The following GPC5 variants were observed in gnomAD, a reference collection of about 807,000 sequenced individuals.
GPC5 encodes the protein glypican 5.
Under a neutral mutation model 53.9 loss-of-function variants are expected in GPC5, and 47 were observed. That is an observed-to-expected ratio of 0.87 (90% CI 0.69 to 1.11). The LOEUF is 1.11. GPC5 is among the 50% of genes most tolerant of loss of function. The pLI is 0.00. For missense variants in GPC5, 748 were observed against 713.1 expected, an observed-to-expected ratio of 1.05 and a Z score of -0.56; for synonymous variants, 286 against 263.3, an observed-to-expected ratio of 1.09 and a Z score of -0.84.
intron 6 of GPC5, among the ~76,000 whole-genome samples, chr13:92,119,614 G>A (rs1326838144): frequency 8.0e-6 from 1 of 124,670 alleles, no homozygotes; most frequent in African/African-American, 3.2e-5. Flanking sequence ...TAGAGACGGG[G>A]TTTCACCATG....
chr13:92,512,696 C>G (rs1880618730), intron 7 of GPC5, among the ~76,000 whole-genome samples: 1 of 152,154 alleles, frequency 6.6e-6, no homozygotes, highest in Admixed American at 6.5e-5. Flanking sequence ...TCACATTATT[C>G]ATGCTTTGGA....
At chr13:91,569,349 T>C (rs2031679272) in intron 2 of GPC5, among the ~76,000 whole-genome samples, 1 of 152,170 alleles carries the variant, frequency 6.6e-6, no homozygotes, top group Non-Finnish European at 1.5e-5. Context: ...AATATTGTTT[T>C]TGTCATTGGC....
chr13:92,438,159 G>A (rs1877391185), intron 7 of GPC5, among the ~76,000 whole-genome samples: 1 of 151,734 alleles, frequency 6.6e-6, no homozygotes, highest in South Asian at 2.1e-4. Context: ...AAAATTATGA[G>A]CAAAGTAGAC....
chr13:91,468,080 A>G (rs1041134336), intron 2 of GPC5, among the ~76,000 whole-genome samples: 14 of 152,150 alleles, frequency 9.2e-5, no homozygotes, highest in African/African-American at 3.4e-4. Context: ...TTAGTGAAAG[A>G]GAGAAAGTCA....
intron 7 of GPC5, among the ~76,000 whole-genome samples, chr13:92,397,519 G>A (rs1191584144): frequency 1.3e-5 from 2 of 152,174 alleles, no homozygotes; most frequent in Non-Finnish European, 2.9e-5. Flanking sequence ...CGTGAAAACG[G>A]ACTAATACAG....
At chr13:92,749,365 A>C (rs766901457) in intron 7 of GPC5, among the ~76,000 whole-genome samples, 3 of 152,152 alleles carry the variant, frequency 2.0e-5, no homozygotes, top group Non-Finnish European at 4.4e-5. Flanking sequence ...ATGTTGTATT[A>C]ATGACTACAT....
intron 7 of GPC5, among the ~76,000 whole-genome samples, chr13:92,620,074 A>G (rs1884821956): frequency 6.6e-6 from 1 of 152,090 alleles, no homozygotes; most frequent in South Asian, 2.1e-4. Context: ...ATAATGGTTT[A>G]GAGGATGAAC....
chr13:91,822,447 T>C (rs2038511263), intron 5 of GPC5, among the ~76,000 whole-genome samples: 1 of 152,242 alleles, frequency 6.6e-6, no homozygotes, highest in Non-Finnish European at 1.5e-5. Context: ...CACTTGAACA[T>C]ACTTTGTGAA....
At chr13:92,171,814 A>G (rs533556629) in intron 7 of GPC5, among the ~76,000 whole-genome samples, 1 of 152,242 alleles carries the variant, frequency 6.6e-6, no homozygotes, top group African/African-American at 2.4e-5. Context: ...ACACACATAT[A>G]TTCATTTGCC....
At chr13:92,238,292 T>C (rs1285306001) in intron 7 of GPC5, among the ~76,000 whole-genome samples, 1 of 152,012 alleles carries the variant, frequency 6.6e-6, no homozygotes, top group East Asian at 1.9e-4. Context: ...AGTAGCTTCA[T>C]CACTTTATAT....
chr13:91,503,825 TG>T (rs1197867883), intron 2 of GPC5, among the ~76,000 whole-genome samples: 1 of 147,788 alleles, frequency 6.8e-6, no homozygotes, highest in Non-Finnish European at 1.5e-5. Flanking sequence ...ATAATCAGGC[TG>T]TTGTGGCACA....
At chr13:91,817,463 A>G (rs1479261943) in intron 5 of GPC5, among the ~76,000 whole-genome samples, 1 of 151,952 alleles carries the variant, frequency 6.6e-6, no homozygotes, top group East Asian at 1.9e-4. Context: ...ATAAAATGAT[A>G]ATTAAGTATG....
At chr13:92,779,147 T>C (rs1038123834) in intron 7 of GPC5, among the ~76,000 whole-genome samples, 3 of 152,060 alleles carry the variant, frequency 2.0e-5, no homozygotes, top group Non-Finnish European at 2.9e-5. Context: ...AGGAGAAAGG[T>C]ATATCTCACA....
At chr13:91,949,590 T>A (rs1314167891) in intron 6 of GPC5, among the ~76,000 whole-genome samples, 1 of 152,118 alleles carries the variant, frequency 6.6e-6, no homozygotes, top group Admixed American at 6.6e-5. Flanking sequence ...ATAAAATTAA[T>A]AACACTCCCA....
intron 7 of GPC5, among the ~76,000 whole-genome samples, chr13:92,439,102 G>T (rs1594203216): frequency 6.6e-6 from 1 of 152,166 alleles, no homozygotes; most frequent in African/African-American, 2.4e-5. Flanking sequence ...CCTGGGAAGG[G>T]TGTGGAGTCT....
chr13:91,492,147 C>T (rs1227933820), intron 2 of GPC5, among the ~76,000 whole-genome samples: 1 of 152,098 alleles, frequency 6.6e-6, no homozygotes, highest in Non-Finnish European at 1.5e-5. Context: ...TTTTTTGTTA[C>T]TTGAAAATTG....
intron 6 of GPC5, among the ~76,000 whole-genome samples, chr13:92,124,773 A>G (rs1366421462): frequency 2.0e-5 from 3 of 152,084 alleles, no homozygotes; most frequent in Admixed American, 2.0e-4. Flanking sequence ...AGAGACCACT[A>G]CTCTAGGTCA....
chr13:91,547,816 T>C (rs569150861), intron 2 of GPC5, among the ~76,000 whole-genome samples: 55 of 152,282 alleles, frequency 3.6e-4, no homozygotes, highest in Non-Finnish European at 2.6e-4. Context: ...CACCGTTGGT[T>C]GAACATTTGA....
intron 7 of GPC5, among the ~76,000 whole-genome samples, chr13:92,193,038 G>T (rs1326539579): frequency 6.6e-6 from 1 of 152,108 alleles, no homozygotes; most frequent in African/African-American, 2.4e-5. Context: ...AGCTGGGTGT[G>T]TTGGCGAGTG....
Sources: gnomAD v4.1 joint callset for allele counts (sites outside exome capture counted in the v4.1 genomes callset) on GRCh38, gnomAD v4.1.1 for gene constraint, MANE v1.5 for transcripts, NCBI Gene and HGNC (gene_info 2026-07-23, HGNC 2026-07-21) for gene names.